CNTNAP5: variants seen among roughly 807,000 people sequenced by gnomAD.
CNTNAP5 encodes the protein contactin-associated protein-like 5.
In CNTNAP5, 72 loss-of-function variants were observed where a neutral mutation model predicts 150.2. The observed-to-expected ratio is 0.48, with a 90% CI of 0.40 to 0.58. The LOEUF (loss-of-function observed/expected upper bound fraction) is 0.58. CNTNAP5 is among the 20% of genes least tolerant of loss of function. The probability of loss-of-function intolerance (pLI) is 0.00; values close to 1 mark genes in which losing one functional copy is unlikely to be tolerated. For synonymous variants in CNTNAP5, 672 were observed against 619.8 expected (o/e 1.08, Z -1.25); for missense variants, 1,636 against 1,626.2 (o/e 1.01, Z -0.10).
At chr2:124,538,745 T>C (rs1217560556) in intron 10 of CNTNAP5, among the ~76,000 whole-genome samples, 1 of 152,168 alleles carries the variant, frequency 6.6e-6, no homozygotes, top group Non-Finnish European at 1.5e-5. Context: ...AGGAGACTTT[T>C]TATCTAGATA....
chr2:124,693,728 T>G (rs1679347001), intron 13 of CNTNAP5, among the ~76,000 whole-genome samples: 1 of 151,974 alleles, frequency 6.6e-6, no homozygotes, highest in Non-Finnish European at 1.5e-5. Flanking sequence ...ATGGGCCAGT[T>G]TATTTTTCAA....
rs1351831586 is a variant in CNTNAP5, at chr2:124,663,213, GAC to G, written c.2077+15257_2077+15258del. On this transcript the variant is annotated intron_variant, in intron 13 of 23. Transcript: ENST00000682447. ...ACGGTTAAATCCCGCTGCATGGAAA[GAC>G]AAAAACAATCCTTGCTTAAATCAGC... is the stretch of plus-strand genomic sequence containing the variant. Among the ~76,000 whole-genome samples, 6 of 152,294 alleles carry G rather than the reference GAC, an allele frequency of 3.9e-5. No individual in the cohort carries two copies. In the East Asian group the frequency reaches 1.2e-3, roughly 29 times the overall value.
intron 1 of CNTNAP5, among the ~76,000 whole-genome samples, chr2:124,124,347 A>T (rs986490613): frequency 5.9e-5 from 9 of 152,202 alleles, no homozygotes; most frequent in Non-Finnish European, 1.0e-4. Context: ...TGAAGTGAAA[A>T]GAGAAGTTTA....
At chr2:124,289,308 G>A (rs17011325) in intron 3 of CNTNAP5, among the ~76,000 whole-genome samples, 3,432 of 152,272 alleles carry the variant, frequency 0.023, 132 homozygotes, top group African/African-American at 0.077. Context: ...TGAAATAGGT[G>A]ACTAAGCTAT....
intron 13 of CNTNAP5, among the ~76,000 whole-genome samples, chr2:124,686,191 G>A (rs1679190152): frequency 6.6e-6 from 1 of 151,992 alleles, no homozygotes; most frequent in Admixed American, 6.6e-5. Flanking sequence ...TTTTTGCTCA[G>A]CACTCAGCTG....
chr2:124,840,381 C>G (rs541478529), intron 19 of CNTNAP5, among the ~76,000 whole-genome samples: 1 of 152,042 alleles, frequency 6.6e-6, no homozygotes, highest in Non-Finnish European at 1.5e-5. Flanking sequence ...CCCTCTCTCT[C>G]GCCATTGCAT....
intron 3 of CNTNAP5, among the ~76,000 whole-genome samples, chr2:124,256,728 CTTCTA>C (rs1324399317): frequency 6.6e-6 from 1 of 152,124 alleles, no homozygotes; most frequent in Non-Finnish European, 1.5e-5. Flanking sequence ...CAAAGTCACT[CTTCTA>C]TTCTATGGAA....
intron 21 of CNTNAP5, among the ~76,000 whole-genome samples, chr2:124,873,118 G>C (rs1242967273): frequency 1.3e-5 from 2 of 152,076 alleles, no homozygotes; most frequent in South Asian, 4.2e-4. Flanking sequence ...CATCTGCTCA[G>C]CTTCTGGAAA....
intron 3 of CNTNAP5, among the ~76,000 whole-genome samples, chr2:124,320,574 T>C (rs950476465): frequency 3.9e-5 from 6 of 152,210 alleles, no homozygotes; most frequent in African/African-American, 1.4e-4. Flanking sequence ...AAAATTACGC[T>C]GTATGTTGTA....
chr2:124,603,132 A>G (rs1303007803), intron 11 of CNTNAP5, among the ~76,000 whole-genome samples: 2 of 151,260 alleles, frequency 1.3e-5, no homozygotes, highest in Non-Finnish European at 2.9e-5. Context: ...AGATCTAAGC[A>G]TAGTGTTTGA....
intron 19 of CNTNAP5, among the ~76,000 whole-genome samples, chr2:124,812,449 G>A (rs1452851185): frequency 6.6e-6 from 1 of 151,856 alleles, no homozygotes; most frequent in African/African-American, 2.4e-5. Context: ...TGACAGGAAA[G>A]GGGCGGTTGG....
At chr2:124,438,200 T>G (rs1436561249) in intron 5 of CNTNAP5, among the ~76,000 whole-genome samples, 1 of 152,096 alleles carries the variant, frequency 6.6e-6, no homozygotes, top group Non-Finnish European at 1.5e-5. Flanking sequence ...AAGTAGAACA[T>G]TGATATTTTT....
At chr2:124,345,798 G>A (rs551121982) in intron 3 of CNTNAP5, among the ~76,000 whole-genome samples, 2 of 151,942 alleles carry the variant, frequency 1.3e-5, no homozygotes, top group South Asian at 2.1e-4. Flanking sequence ...AAAATTATCC[G>A]TTCCTCTATT....
chr2:124,739,281 T>C (rs1176394517), intron 13 of CNTNAP5, among the ~76,000 whole-genome samples: 2 of 152,158 alleles, frequency 1.3e-5, no homozygotes, highest in Non-Finnish European at 1.5e-5. Flanking sequence ...GAATTAACGA[T>C]CTTGACCAGC....
intron 3 of CNTNAP5, among the ~76,000 whole-genome samples, chr2:124,324,559 C>T (rs979666053): frequency 3.3e-5 from 5 of 152,022 alleles, no homozygotes; most frequent in South Asian, 4.1e-4. Flanking sequence ...TTTGGAGGGA[C>T]GGGTAAAAAG....
chr2:124,228,838 G>A (rs952823471), intron 2 of CNTNAP5, among the ~76,000 whole-genome samples: 3 of 152,066 alleles, frequency 2.0e-5, no homozygotes, highest in Admixed American at 2.0e-4. Flanking sequence ...CACTCAAGAT[G>A]AAATTTAAAT....
At chr2:124,100,413 G>A (rs1037507283) in intron 1 of CNTNAP5, among the ~76,000 whole-genome samples, 2 of 152,032 alleles carry the variant, frequency 1.3e-5, no homozygotes, top group Non-Finnish European at 1.5e-5. Context: ...GAAAAAATAT[G>A]AGCTCAGAAA....
chr2:124,535,341 T>C (rs1435698388), intron 10 of CNTNAP5, among the ~76,000 whole-genome samples: 1 of 152,224 alleles, frequency 6.6e-6, no homozygotes, highest in East Asian at 1.9e-4. Flanking sequence ...TAATCCTTTC[T>C]ACAATTAAAC....
intron 9 of CNTNAP5, among the ~76,000 whole-genome samples, chr2:124,526,320 A>G (rs1346850206): frequency 6.6e-6 from 1 of 152,068 alleles, no homozygotes; most frequent in Non-Finnish European, 1.5e-5. Context: ...AATTCTCTCT[A>G]CAGCTTCAAT....
Sources: gnomAD v4.1 joint callset for allele counts (sites outside exome capture counted in the v4.1 genomes callset) on GRCh38, gnomAD v4.1.1 for gene constraint, MANE v1.5 for transcripts, NCBI Gene and HGNC (gene_info 2026-07-23, HGNC 2026-07-21) for gene names.